GALK2: variants seen among roughly 807,000 people sequenced by gnomAD.
The protein encoded by GALK2 is N-acetylgalactosamine kinase.
GALK2 carries 36 observed loss-of-function variants against 52.4 expected under a neutral mutation model. The observed-to-expected ratio is 0.69, with a 90% confidence interval of 0.53 to 0.91. GALK2 has a LOEUF of 0.91. Among genes scored for constraint, GALK2 ranks in the 40% least tolerant of loss-of-function variants. The pLI is 0.00. For synonymous variants in GALK2, 176 were observed against 199.1 expected (o/e 0.88, Z 0.98); for missense variants, 579 against 559.1 (o/e 1.04, Z -0.36).
At chr15:49,170,822 A>C (rs1384037712) in intron 1 of GALK2, among the ~76,000 whole-genome samples, 2 of 152,050 alleles carry the variant, frequency 1.3e-5, no homozygotes, top group Non-Finnish European at 2.9e-5. Flanking sequence ...AAACACGAGA[A>C]TCTCTGAACT....
intron 3 of GALK2, among the ~76,000 whole-genome samples, chr15:49,219,407 C>T (rs6493356): frequency 0.41 from 62,580 of 151,946 alleles, 13,046 homozygotes; most frequent in African/African-American, 0.43. Flanking sequence ...GTGAGGCTCC[C>T]GCAGCCATGT....
chr15:49,259,131 AGAG>A (rs908876806), intron 5 of GALK2, among the ~76,000 whole-genome samples: 6 of 151,902 alleles, frequency 3.9e-5, no homozygotes, highest in Non-Finnish European at 7.4e-5. Flanking sequence ...GATAAGCTAT[AGAG>A]GAGATGATCA....
At chr15:49,365,047 A>G in intron 3 of GALK2, 1 of 536,798 alleles carries the variant, frequency 1.9e-6, no homozygotes, top group Non-Finnish European at 3.4e-6. Context: ...CAGATTGTCA[A>G]TTCAAAAATC....
At chr15:49,226,757 C>G (rs1477250130) in intron 3 of GALK2, 1 of 152,004 alleles carries the variant, frequency 6.6e-6, no homozygotes, top group Non-Finnish European at 1.5e-5. Flanking sequence ...TAGTATATTC[C>G]ATAGATTTTG....
downstream of GALK2, among the ~76,000 whole-genome samples, chr15:49,332,842 CAG>C (rs1271941521): frequency 6.6e-6 from 1 of 152,184 alleles, no homozygotes; most frequent in Non-Finnish European, 1.5e-5. Context: ...CCCCTGAAGG[CAG>C]AGTGGGATTA....
intron 1 of GALK2, among the ~76,000 whole-genome samples, chr15:49,197,565 A>G (rs2087344653): frequency 6.6e-6 from 1 of 152,190 alleles, no homozygotes; most frequent in African/African-American, 2.4e-5. Flanking sequence ...TTCACATAGC[A>G]TGAAGGTAGT....
At chr15:49,165,193 T>A (rs2084781202) in intron 1 of GALK2, among the ~76,000 whole-genome samples, 2 of 152,176 alleles carry the variant, frequency 1.3e-5, no homozygotes. Context: ...TGACAGGTAA[T>A]AAGTATAAAA....
intron 1 of GALK2, among the ~76,000 whole-genome samples, chr15:49,185,129 T>A (rs2086253304): frequency 6.6e-6 from 1 of 152,176 alleles, no homozygotes; most frequent in East Asian, 1.9e-4. Context: ...ACCCCACTCC[T>A]CCTTTCCTCT....
At chr15:49,159,109 C>A (rs914145351) in intron 1 of GALK2, 1 of 152,124 alleles carries the variant, frequency 6.6e-6, no homozygotes, top group Non-Finnish European at 1.5e-5. Context: ...CCACATTGCC[C>A]AGTCTTAAAA....
intron 5 of GALK2, among the ~76,000 whole-genome samples, chr15:49,264,777 G>A (rs1015937515): frequency 6.6e-6 from 1 of 152,200 alleles, no homozygotes; most frequent in Non-Finnish European, 1.5e-5. Flanking sequence ...CTGTTTGTTA[G>A]TTTTCCTTCT....
intron 3 of GALK2, among the ~76,000 whole-genome samples, chr15:49,349,212 C>T (rs1383183606): frequency 1.3e-5 from 2 of 152,264 alleles, no homozygotes; most frequent in East Asian, 3.9e-4. Context: ...TTAATTGTCT[C>T]TGGCTCAAGG....
chr15:49,157,598 A>T (rs1190754913), intron 1 of GALK2, among the ~76,000 whole-genome samples: 1 of 152,200 alleles, frequency 6.6e-6, no homozygotes, highest in African/African-American at 2.4e-5. Flanking sequence ...TCTGGATTTA[A>T]CATGGAACTA....
In GALK2 at chr15:49,265,835, G is replaced by A. The variant is rs565606037; in HGVS notation, c.505-16152G>A. Among the ~76,000 whole-genome samples, 373 of 152,292 alleles carry A rather than the reference G, an allele frequency of 2.4e-3. 4 individuals carry two copies. The highest frequency in any genetic ancestry group is 8.5e-3 in the African/African-American group (352 of 41,542). On this transcript the variant is annotated intron_variant, in intron 5 of 9. Coordinates refer to ENST00000560031, the MANE Select transcript of GALK2 (RefSeq NM_002044.4). ...TAAAATATTCCAAAAGCGCTTGTGA[G>A]TTTTTAAGATTCTTGCTAGCAAGGA... is the stretch of plus-strand genomic sequence containing the variant.
chr15:49,358,543 C>T (rs1205562251), intron 3 of GALK2, among the ~76,000 whole-genome samples: 12 of 148,508 alleles, frequency 8.1e-5, no homozygotes, highest in Admixed American at 1.3e-4. Context: ...ATATGAAGGA[C>T]CTCTTCAAGG....
chr15:49,192,485 G>GTGTGTATATATATA (rs1360198549), intron 1 of GALK2, among the ~76,000 whole-genome samples: 12 of 102,972 alleles, frequency 1.2e-4, no homozygotes, highest in African/African-American at 4.9e-4. Flanking sequence ...ATATATATAT[G>GTGTGTATATATATA]TATATATATA....
At chr15:49,357,447 C>G (rs201387138) in intron 3 of GALK2, among the ~76,000 whole-genome samples, 61,572 of 149,062 alleles carry the variant, frequency 0.41, 12,593 homozygotes, top group African/African-American at 0.43. Flanking sequence ...TCAGAGAATA[C>G]TACAAACACC....
chr15:49,360,571 T>C (rs201200090), intron 3 of GALK2, among the ~76,000 whole-genome samples: 1 of 52,386 alleles, frequency 1.9e-5, no homozygotes, highest in African/African-American at 7.5e-5. Context: ...TATAAAAACA[T>C]AGACAAAGTA....
chr15:49,164,941 C>G (rs1389545927), intron 1 of GALK2, among the ~76,000 whole-genome samples: 2 of 151,850 alleles, frequency 1.3e-5, no homozygotes, highest in Non-Finnish European at 2.9e-5. Context: ...TCTCAGATTT[C>G]ATTTTGATGA....
At position 49,328,429 on chromosome 15, in the gene GALK2, G is replaced by T. The variant is rs1018605337; in HGVS notation, c.*270G>T. ...ACTTACTGAGATTTATTGATTTGAA[G>T]ATTTTAAAGATGAATGGTAAAACAC... On this transcript the variant is annotated 3_prime_UTR_variant, in exon 10 of 10. Coordinates refer to ENST00000560031, the MANE Select transcript of GALK2 (RefSeq NM_002044.4). The T allele has an allele frequency of 2.8e-6, 4 of 1,441,980 alleles. No homozygotes were observed. In the South Asian group the frequency reaches 6.3e-5, roughly 23 times the overall value. The allele number at this position is 1,441,980 out of a possible 1,614,324, so 89.3% of individuals were successfully genotyped here.
Sources: allele counts gnomAD v4.1 joint callset (sites outside exome capture counted in the v4.1 genomes callset), GRCh38; gene constraint gnomAD v4.1.1; transcripts MANE v1.5; gene names NCBI Gene and HGNC (gene_info 2026-07-23, HGNC 2026-07-21).